NEGR1: variants seen among roughly 807,000 people sequenced by gnomAD.
NEGR1 encodes the protein IgLON family member 4.
Under a neutral mutation model 40.9 loss-of-function variants are expected in NEGR1, and 10 were observed. The observed-to-expected ratio is 0.24, with a 90% CI of 0.15 to 0.42. NEGR1 has a LOEUF of 0.42. NEGR1 is among the 10% of genes least tolerant of loss of function. The pLI, the probability that NEGR1 is intolerant of heterozygous loss-of-function variation, is 1.00. For missense variants in NEGR1, 352 were observed against 438.9 expected (o/e 0.80, Z 1.77); for synonymous variants, 185 against 166.8 (o/e 1.11, Z -0.84).
At chr1:72,029,885 G>C (rs1011725661) in intron 1 of NEGR1, among the ~76,000 whole-genome samples, 1 of 152,048 alleles carries the variant, frequency 6.6e-6, no homozygotes, top group Admixed American at 6.6e-5. Flanking sequence ...CATCTAATTT[G>C]GGAATTGAGG....
chr1:71,545,807 G>C (rs1570012042), intron 6 of NEGR1, among the ~76,000 whole-genome samples: 1 of 151,590 alleles, frequency 6.6e-6, no homozygotes, highest in East Asian at 2.0e-4. Context: ...TCTAGCGTTG[G>C]TGAGGATGGA....
intron 3 of NEGR1, among the ~76,000 whole-genome samples, chr1:71,702,031 A>C (rs934233933): frequency 2.0e-5 from 3 of 152,068 alleles, no homozygotes; most frequent in African/African-American, 7.2e-5. Context: ...CATCTACTGA[A>C]ATTATTCTAA....
chr1:72,054,880 T>C (rs1422687655), intron 1 of NEGR1, among the ~76,000 whole-genome samples: 1 of 151,140 alleles, frequency 6.6e-6, no homozygotes, highest in African/African-American at 2.4e-5. Flanking sequence ...GAAGTTATGA[T>C]TTATAATTTT....
chr1:71,642,445 G>A (rs1202959759), intron 4 of NEGR1, among the ~76,000 whole-genome samples: 1 of 151,782 alleles, frequency 6.6e-6, no homozygotes, highest in Non-Finnish European at 1.5e-5. Flanking sequence ...AAAAAATTGG[G>A]GGGGAGAGAA....
chr1:72,244,582 C>A (rs1034929705), intron 1 of NEGR1, among the ~76,000 whole-genome samples: 4 of 151,686 alleles, frequency 2.6e-5, no homozygotes, highest in Middle Eastern at 3.4e-3. Flanking sequence ...ACAGTCAATT[C>A]TTATTATTTG....
intron 1 of NEGR1, among the ~76,000 whole-genome samples, chr1:72,098,556 ACT>A (rs919484191): frequency 6.6e-6 from 1 of 152,088 alleles, no homozygotes; most frequent in Non-Finnish European, 1.5e-5. Flanking sequence ...TTATGTCATA[ACT>A]CTGCCCTGTC....
At chr1:71,620,685 C>T (rs1650581989) in intron 4 of NEGR1, among the ~76,000 whole-genome samples, 1 of 151,898 alleles carries the variant, frequency 6.6e-6, no homozygotes, top group Non-Finnish European at 1.5e-5. Flanking sequence ...AGTTGAATCA[C>T]AATCTTTATG....
intron 3 of NEGR1, chr1:71,703,251 C>T (rs1653761537): frequency 1.3e-5 from 2 of 152,024 alleles, no homozygotes; most frequent in African/African-American, 4.8e-5. Context: ...AGAATAAAGA[C>T]TCTTTTTGGC....
intron 2 of NEGR1, among the ~76,000 whole-genome samples, chr1:71,820,479 T>C (rs1658388159): frequency 6.6e-6 from 1 of 152,018 alleles, no homozygotes; most frequent in Non-Finnish European, 1.5e-5. Context: ...TCTAGATAAT[T>C]TGATGGCTGT....
chr1:71,745,326 GCTGGCTGCTCT>G (rs2101680834), intron 3 of NEGR1, among the ~76,000 whole-genome samples: 1 of 152,184 alleles, frequency 6.6e-6, no homozygotes, highest in Non-Finnish European at 1.5e-5. Flanking sequence ...AAAAATCTTG[GCTGGCTGCTCT>G]CTGGACTAAA....
intron 3 of NEGR1, among the ~76,000 whole-genome samples, chr1:71,754,324 G>C (rs1655662703): frequency 6.6e-6 from 1 of 152,132 alleles, no homozygotes; most frequent in Admixed American, 6.5e-5. Flanking sequence ...TTCTACAATT[G>C]CTACTATGTC....
chr1:71,585,338 T>C (rs1649268419), intron 6 of NEGR1, among the ~76,000 whole-genome samples: 1 of 152,296 alleles, frequency 6.6e-6, no homozygotes, highest in Non-Finnish European at 1.5e-5. Flanking sequence ...CCTCATATTA[T>C]AAATTGGTAT....
chr1:72,216,384 CATAT>C (rs56819538), intron 1 of NEGR1, among the ~76,000 whole-genome samples: 1,633 of 129,226 alleles, frequency 0.013, 29 homozygotes, highest in African/African-American at 0.048. Flanking sequence ...TATATATATA[CATAT>C]ATATATATAT....
chr1:72,009,131 G>A (rs1286868193), intron 1 of NEGR1, among the ~76,000 whole-genome samples: 1 of 152,084 alleles, frequency 6.6e-6, no homozygotes, highest in East Asian at 1.9e-4. Context: ...TAATATGGAT[G>A]AAATAATATA....
At chr1:72,051,005 T>C (rs545958386) in intron 1 of NEGR1, among the ~76,000 whole-genome samples, 4 of 151,490 alleles carry the variant, frequency 2.6e-5, no homozygotes, top group Non-Finnish European at 5.9e-5. Context: ...TTTTTCCTAT[T>C]CCCCCAATAA....
intron 1 of NEGR1, among the ~76,000 whole-genome samples, chr1:71,994,391 G>C (rs1182282671): frequency 6.6e-6 from 1 of 152,002 alleles, no homozygotes; most frequent in African/African-American, 2.4e-5. Context: ...AGCCGGGCGT[G>C]GTGGTGGGCG....
chr1:72,061,139 G>A (rs1647165973), intron 1 of NEGR1, among the ~76,000 whole-genome samples: 1 of 151,548 alleles, frequency 6.6e-6, no homozygotes, highest in South Asian at 2.1e-4. Flanking sequence ...CAGAATTCTA[G>A]TTTTATGTCT....
At chr1:71,576,770 A>C (rs1441157845) in intron 6 of NEGR1, among the ~76,000 whole-genome samples, 2 of 152,210 alleles carry the variant, frequency 1.3e-5, no homozygotes, top group East Asian at 3.9e-4. Context: ...GATTTGGAGA[A>C]GTATTTATAA....
intron 1 of NEGR1, among the ~76,000 whole-genome samples, chr1:72,037,467 C>T (rs1003542909): frequency 6.6e-6 from 1 of 152,044 alleles, no homozygotes; most frequent in African/African-American, 2.4e-5. Context: ...AGGAAATAAA[C>T]GTGGGCAATT....
Sources: gnomAD v4.1 joint callset for allele counts (sites outside exome capture counted in the v4.1 genomes callset) on GRCh38, gnomAD v4.1.1 for gene constraint, MANE v1.5 for transcripts, NCBI Gene and HGNC (gene_info 2026-07-23, HGNC 2026-07-21) for gene names.